Variants in SUPT3H observed in about 807,000 individuals in gnomAD.
SUPT3H encodes the protein SPT3 homolog, SAGA and STAGA complex component.
Under a neutral mutation model 44.3 loss-of-function variants are expected in SUPT3H, and 44 were observed. The observed-to-expected ratio is 0.99, with a 90% CI of 0.78 to 1.28. The LOEUF (loss-of-function observed/expected upper bound fraction) is 1.28, where lower values mean the gene tolerates loss of function less well. Ranked by LOEUF, SUPT3H falls within the 50% of genes most tolerant of loss-of-function variation. The probability of loss-of-function intolerance (pLI) is 0.00; values close to 1 mark genes in which losing one functional copy is unlikely to be tolerated. For missense variants in SUPT3H, 380 were observed against 387.1 expected, an observed-to-expected ratio of 0.98 and a Z score of 0.15; for synonymous variants, 124 against 125.6, an observed-to-expected ratio of 0.99 and a Z score of 0.09.
At chr6:45,226,351 G>A (rs754183925) in intron 2 of SUPT3H, among the ~76,000 whole-genome samples, 5 of 151,980 alleles carry the variant, frequency 3.3e-5, no homozygotes, top group Non-Finnish European at 7.4e-5. Context: ...GTGTGTGTGT[G>A]TATAACGTTT....
chr6:44,981,468 A>G (rs984743253), intron 6 of SUPT3H, among the ~76,000 whole-genome samples: 2 of 152,236 alleles, frequency 1.3e-5, no homozygotes, highest in African/African-American at 2.4e-5. Context: ...TACATTCTGT[A>G]TATCAACAGT....
In SUPT3H at chr6:44,850,745, CATCTATCTATCT is replaced by C. The variant is rs56936002; in HGVS notation, c.913-20900_913-20889del. ...CTTATTTTGCTTTTGGTTTTATATA[CATCTATCTATCT>C]ATCTATCTATCTATCTATCTATCTA... On this transcript the variant is annotated intron_variant, in intron 10 of 10. Coordinates refer to ENST00000371459, the MANE Select transcript of SUPT3H (RefSeq NM_003599.4). Among the ~76,000 whole-genome samples the C allele has an allele frequency of 5.8e-3, 850 of 147,546 alleles. 6 individuals carry two copies. The highest frequency in any genetic ancestry group is 8.5e-3 in the Non-Finnish European group (570 of 66,908).
chr6:45,175,353 G>A (rs1302775258), intron 2 of SUPT3H, among the ~76,000 whole-genome samples: 1 of 152,120 alleles, frequency 6.6e-6, no homozygotes, highest in South Asian at 2.1e-4. Flanking sequence ...TTACAGTCAC[G>A]GTGAAAGGCG....
chr6:44,896,545 G>C (rs1764158534), intron 10 of SUPT3H, among the ~76,000 whole-genome samples: 1 of 152,260 alleles, frequency 6.6e-6, no homozygotes, highest in Non-Finnish European at 1.5e-5. Flanking sequence ...GTTAGTGATG[G>C]AACAGATTCT....
intron 2 of SUPT3H, among the ~76,000 whole-genome samples, chr6:45,271,743 A>G (rs1026065231): frequency 1.3e-5 from 2 of 152,160 alleles, no homozygotes; most frequent in Non-Finnish European, 2.9e-5. Context: ...CCCCAGTATG[A>G]CAGATGCATG....
intron 6 of SUPT3H, among the ~76,000 whole-genome samples, chr6:44,999,015 CCT>C (rs1781649514): frequency 7.2e-6 from 1 of 139,238 alleles, no homozygotes; most frequent in Non-Finnish European, 1.6e-5. Flanking sequence ...TCATTAGTTG[CCT>C]CTGTGATTTT....
At chr6:45,253,888 A>G (rs1210826051) in intron 2 of SUPT3H, among the ~76,000 whole-genome samples, 5 of 74,256 alleles carry the variant, frequency 6.7e-5, no homozygotes, top group Non-Finnish European at 1.4e-4. Flanking sequence ...CACACAGTAC[A>G]TATATAGAAC....
At chr6:45,085,845 C>A (rs1796408071) in intron 3 of SUPT3H, among the ~76,000 whole-genome samples, 1 of 151,946 alleles carries the variant, frequency 6.6e-6, no homozygotes, top group Non-Finnish European at 1.5e-5. Context: ...TTTTGCTTGT[C>A]TGGGGAAAAG....
intron 2 of SUPT3H, among the ~76,000 whole-genome samples, chr6:45,288,492 C>G (rs548752052): frequency 1.4e-5 from 2 of 146,472 alleles, no homozygotes; most frequent in East Asian, 4.1e-4. Context: ...TGTATTTGTA[C>G]TTTATTAATC....
At chr6:45,105,775 T>C (rs1422066203) in intron 3 of SUPT3H, 147 bp downstream of exon 3, 1 of 518,270 alleles carries the variant, frequency 1.9e-6, no homozygotes. Context: ...ATTAAACTAG[T>C]AAATTTTGTT....
chr6:45,117,427 G>T (rs1264937553), intron 2 of SUPT3H, among the ~76,000 whole-genome samples: 1 of 152,124 alleles, frequency 6.6e-6, no homozygotes, highest in South Asian at 2.1e-4. Context: ...GATATCAATT[G>T]TGAGCTCATG....
intron 6 of SUPT3H, among the ~76,000 whole-genome samples, chr6:44,991,802 A>G (rs1780654347): frequency 6.6e-6 from 1 of 152,188 alleles, no homozygotes. Flanking sequence ...TCTATACCAA[A>G]CAAATAATGA....
Position 45,014,709 on chromosome 6 carries a change from G to A in SUPT3H, c.364+92C>T, listed in dbSNP as rs527817581. ...TGTTGACAGTAAACAAAATTAACTA[G>A]TTCTCCAGTTACATTGGAATTGCAT... On this transcript the variant is annotated intron_variant, in intron 5 of 10. Transcript: ENST00000371459. The A allele has an allele frequency of 1.3e-3, 1,008 of 792,086 alleles. 10 individuals are homozygous for A. Among genetic ancestry groups the A allele is most frequent in the Middle Eastern group, 6.4e-3 (26 of 4,042 alleles). 49.1% of individuals were successfully genotyped at this position (792,086 alleles called of 1,614,324 possible).
At chr6:44,912,126 T>A (rs989652805) in intron 10 of SUPT3H, among the ~76,000 whole-genome samples, 3 of 152,202 alleles carry the variant, frequency 2.0e-5, no homozygotes, top group African/African-American at 7.2e-5. Flanking sequence ...ATTTTAACAA[T>A]TTTTAAGTGT....
At chr6:44,860,322 C>T (rs1412517905) in intron 10 of SUPT3H, among the ~76,000 whole-genome samples, 2 of 152,172 alleles carry the variant, frequency 1.3e-5, no homozygotes, top group East Asian at 1.9e-4. Flanking sequence ...CCCAGCTATC[C>T]TTAGTCATTC....
intron 10 of SUPT3H, among the ~76,000 whole-genome samples, chr6:44,856,483 C>T (rs1354365496): frequency 6.6e-6 from 1 of 152,196 alleles, no homozygotes; most frequent in Non-Finnish European, 1.5e-5. Context: ...GTATTTGCAA[C>T]ATAATTCCCT....
chr6:44,917,615 A>C (rs968038046), intron 10 of SUPT3H, among the ~76,000 whole-genome samples: 5 of 152,162 alleles, frequency 3.3e-5, no homozygotes, highest in Admixed American at 2.0e-4. Context: ...GAGCACAGGG[A>C]GCACCACATA....
intron 6 of SUPT3H, among the ~76,000 whole-genome samples, chr6:44,995,456 T>C (rs1026331810): frequency 3.3e-5 from 5 of 152,066 alleles, no homozygotes; most frequent in Non-Finnish European, 7.4e-5. Flanking sequence ...ACTGCTTACT[T>C]AGCAAATCAC....
chr6:45,369,186 C>G (rs149457338), intron 1 of SUPT3H, among the ~76,000 whole-genome samples: 51 of 152,136 alleles, frequency 3.4e-4, no homozygotes, highest in African/African-American at 1.2e-3. Context: ...CCCCAGCCTC[C>G]TTTTCTACCA....
Sources: allele counts gnomAD v4.1 joint callset (sites outside exome capture counted in the v4.1 genomes callset), GRCh38; gene constraint gnomAD v4.1.1; transcripts MANE v1.5; gene names NCBI Gene and HGNC (gene_info 2026-07-23, HGNC 2026-07-21).